SULT1B1: variants seen among roughly 807,000 people sequenced by gnomAD.
SULT1B1 encodes sulfotransferase 1B1.
SULT1B1 carries 28 observed loss-of-function variants against 34.6 expected under a neutral mutation model. The ratio of observed to expected loss-of-function variants is 0.81; its 90% CI spans 0.60 to 1.11. The LOEUF (loss-of-function observed/expected upper bound fraction) is 1.11, where lower values mean the gene tolerates loss of function less well. Among genes scored for constraint, SULT1B1 ranks in the 50% least tolerant of loss-of-function variants. SULT1B1 has a pLI of 0.00. For missense variants in SULT1B1, 374 were observed against 352.2 expected (o/e 1.06, Z -0.50); for synonymous variants, 147 against 110.2 (o/e 1.33, Z -2.09).
chr4:69,751,586 A>G (rs1718984582), intron 3 of SULT1B1, among the ~76,000 whole-genome samples: 1 of 151,988 alleles, frequency 6.6e-6, no homozygotes, highest in African/African-American at 2.4e-5. Flanking sequence ...CGAGTAGTTG[A>G]GACTACCGGC....
At chr4:69,739,073 C>T (rs2110022203) in intron 4 of SULT1B1, among the ~76,000 whole-genome samples, 1 of 152,322 alleles carries the variant, frequency 6.6e-6, no homozygotes, top group East Asian at 1.9e-4. Flanking sequence ...CAAGGTACAG[C>T]CCCTCTCCTG....
intron 6 of SULT1B1, among the ~76,000 whole-genome samples, chr4:69,730,956 A>G (rs1486306851): frequency 6.6e-6 from 1 of 152,212 alleles, no homozygotes; most frequent in Non-Finnish European, 1.5e-5. Context: ...AGCAGACATG[A>G]TGATAGTAGA....
chr4:69,727,078 T>A lies in SULT1B1; in HGVS notation c.*10A>T. The A allele has an allele frequency of 6.3e-7, 1 of 1,586,454 alleles. No individual in the cohort carries two copies. The highest frequency in any genetic ancestry group is 8.6e-7 in the Non-Finnish European group (1 of 1,164,262). ...ATCTCTTATTTCTTCAGATGTGTGA[T>A]TTAGACACTTTAAATCTCTGTGCGG... On this transcript the variant is annotated 3_prime_UTR_variant, in exon 8 of 8. Coordinates refer to ENST00000310613, the MANE Select transcript of SULT1B1 (RefSeq NM_014465.4).
intron 4 of SULT1B1, among the ~76,000 whole-genome samples, chr4:69,743,411 A>G (rs1056565979): frequency 3.9e-5 from 6 of 152,136 alleles, no homozygotes; most frequent in African/African-American, 1.2e-4. Context: ...GAAGAAGTGC[A>G]GTCCCATTGG....
At chr4:69,733,077 GCAAA>G (rs1325526319) in intron 6 of SULT1B1, among the ~76,000 whole-genome samples, 2 of 151,992 alleles carry the variant, frequency 1.3e-5, no homozygotes, top group Non-Finnish European at 2.9e-5. Context: ...CTCGAATATA[GCAAA>G]CAATTTTTAA....
chr4:69,744,302 G>A (rs923539464), intron 4 of SULT1B1, among the ~76,000 whole-genome samples: 32 of 152,294 alleles, frequency 2.1e-4, no homozygotes, highest in African/African-American at 7.5e-4. Flanking sequence ...GAGGCGCAGC[G>A]GCCCTGGCCA....
rs548429894 is a variant in SULT1B1 at position 69,751,859 on chromosome 4, T to G, written c.278-2041A>C. Among the ~76,000 whole-genome samples, 18 of 152,310 alleles carry G rather than the reference T, an allele frequency of 1.2e-4. No homozygotes were observed. In the South Asian group the frequency reaches 3.7e-3, roughly 32 times the overall value. On this transcript the variant is annotated intron_variant, in intron 3 of 7. Transcript: ENST00000310613. ...TCCCTCTCTATCCCCAATCCTGCCT[T>G]CCATCTGTTATCCCTGACTCCCATG...
At chr4:69,756,916 A>G (rs1374986517) in intron 1 of SULT1B1, among the ~76,000 whole-genome samples, 2 of 151,778 alleles carry the variant, frequency 1.3e-5, no homozygotes, top group African/African-American at 2.4e-5. Flanking sequence ...GCTGTACTCA[A>G]TCTGCCAATT....
At chr4:69,747,393 G>A (rs781771973) in intron 4 of SULT1B1, among the ~76,000 whole-genome samples, 5 of 152,316 alleles carry the variant, frequency 3.3e-5, no homozygotes, top group East Asian at 1.9e-4. Flanking sequence ...CTATGACAGC[G>A]GCTGCTGGCA....
intron 7 of SULT1B1, among the ~76,000 whole-genome samples, chr4:69,729,919 C>T (rs3775781): frequency 0.04 from 6,117 of 152,132 alleles, 388 homozygotes; most frequent in East Asian, 0.34. Context: ...AAACAGACTA[C>T]TTAAATGGAA....
chr4:69,751,655 T>C (rs1395317984), intron 3 of SULT1B1, among the ~76,000 whole-genome samples: 1 of 152,066 alleles, frequency 6.6e-6, no homozygotes, highest in Non-Finnish European at 1.5e-5. Flanking sequence ...GGTTTCACCG[T>C]GTTAGCCAGG....
At chr4:69,734,368 A>G (rs538989441) in intron 4 of SULT1B1, 104 bp from the exon 5 acceptor site, 17 of 1,334,556 alleles carry the variant, frequency 1.3e-5, no homozygotes, top group East Asian at 1.1e-4. Context: ...ACTTTTTCAA[A>G]TAGAAATTGT....
At chr4:69,734,727 A>AG (rs1217457941) in intron 4 of SULT1B1, among the ~76,000 whole-genome samples, 1 of 152,164 alleles carries the variant, frequency 6.6e-6, no homozygotes, top group Non-Finnish European at 1.5e-5. Context: ...ATATATAGAA[A>AG]GGAAAAGAAG....
rs1309980192 is a variant in SULT1B1, at chr4:69,727,045, TACAG to T, written c.*39_*42del. ...CATAACTGCCCTCGTTTCAATCAAC[TACAG>T]ACAATCTCTTATTTCTTCAGATGTG... On this transcript the variant is annotated 3_prime_UTR_variant, in exon 8 of 8. Coordinates refer to ENST00000310613, the MANE Select transcript of SULT1B1 (RefSeq NM_014465.4). 6 of 1,476,714 alleles carry T rather than the reference TACAG, an allele frequency of 4.1e-6. No individual in the cohort carries two copies. The East Asian group carries it at 9.5e-5, about 23-fold the overall frequency. The allele number at this position is 1,476,714 out of a possible 1,614,324, so 91.5% of individuals were successfully genotyped here. A position where few individuals can be genotyped will look rare whatever the true frequency, so the allele number is the denominator to read the frequency against.
intron 4 of SULT1B1, among the ~76,000 whole-genome samples, chr4:69,737,389 A>T (rs1253269685): frequency 6.6e-6 from 1 of 152,212 alleles, no homozygotes; most frequent in Non-Finnish European, 1.5e-5. Flanking sequence ...TAGAAAGATG[A>T]AAACTTTAGA....
Position 69,731,207 on chromosome 4 carries a change from A to G in SULT1B1, c.598-526T>C, listed in dbSNP as rs546169906. On this transcript the variant is annotated intron_variant, in intron 6 of 7. Transcript: ENST00000310613. Reference sequence around the variant, plus strand: ...TGTGAGTGGTGGAAGAGCAAGCACTACTGCCTGAGCTCTGCCTCCTGTTAG... The same window carrying G: ...TGTGAGTGGTGGAAGAGCAAGCACTGCTGCCTGAGCTCTGCCTCCTGTTAG... 3.9e-5 allele frequency among the ~76,000 whole-genome samples: 6 copies of G among 152,338 alleles called. No individual in the cohort carries two copies. The South Asian group carries it at 1.2e-3, about 32-fold the overall frequency.
chr4:69,751,305 A>G (rs1214467719), intron 3 of SULT1B1, among the ~76,000 whole-genome samples: 1 of 152,216 alleles, frequency 6.6e-6, no homozygotes, highest in Admixed American at 6.5e-5. Flanking sequence ...CTTGTTCCGC[A>G]TTCAGCTTCC....
chr4:69,754,689 G>T lies in SULT1B1; in HGVS notation c.258C>A (p.Leu86=), dbSNP rs765564054. ...ATTTACCTGATGTTCTTAATCCAGGGAGAGTCATTTCCAACATTGGAACTT... is the reference window on the plus strand; with the variant it reads ...ATTTACCTGATGTTCTTAATCCAGGTAGAGTCATTTCCAACATTGGAACTT... The part of the protein sequence containing the change: ...TEKVPMLEMT[L]PGLRTSGIEQ... Residue 86 remains leucine (L), a synonymous_variant, in exon 3 of 8, where the codon CTC becomes CTA. Coordinates refer to ENST00000310613, the MANE Select transcript of SULT1B1 (RefSeq NM_014465.4). 5.6e-5 allele frequency: 90 copies of T among 1,612,870 alleles called. No homozygotes were observed. The African/African-American group carries it at 1.1e-3, about 20-fold the overall frequency.
intron 7 of SULT1B1, 58 bp from the exon 8 acceptor site, chr4:69,727,258 G>T: frequency 2.2e-6 from 3 of 1,355,152 alleles, no homozygotes; most frequent in South Asian, 1.4e-5. Context: ...GAAGAAATCA[G>T]TATATACCAA....
Sources: allele counts gnomAD v4.1 joint callset (sites outside exome capture counted in the v4.1 genomes callset), GRCh38; gene constraint gnomAD v4.1.1; transcripts MANE v1.5; gene names NCBI Gene and HGNC (gene_info 2026-07-23, HGNC 2026-07-21).